WDFY3: variants seen among roughly 807,000 people sequenced by gnomAD.
The protein encoded by WDFY3 is WD repeat and FYVE domain containing 3.
In WDFY3, 66 loss-of-function variants were observed where a neutral mutation model predicts 409.6. That is an observed-to-expected ratio of 0.16 (90% CI 0.13 to 0.20). The LOEUF (loss-of-function observed/expected upper bound fraction) is 0.20, where lower values mean the gene tolerates loss of function less well. Ranked by LOEUF, WDFY3 falls within the 10% of genes least tolerant of loss-of-function variation. The probability of loss-of-function intolerance (pLI) is 1.00; values close to 1 mark genes in which losing one functional copy is unlikely to be tolerated. For synonymous variants in WDFY3, 1,521 were observed against 1,537.1 expected (o/e 0.99, Z 0.25); for missense variants, 3,031 against 4,298.1 (o/e 0.71, Z 8.24).
At chr4:84,758,627 A>C (rs1741887499) in intron 32 of WDFY3, among the ~76,000 whole-genome samples, 1 of 152,178 alleles carries the variant, frequency 6.6e-6, no homozygotes, top group Non-Finnish European at 1.5e-5. Flanking sequence ...TTATATAATA[A>C]AGGAAAAATT....
intron 32 of WDFY3, among the ~76,000 whole-genome samples, chr4:84,762,677 C>T (rs1207080224): frequency 6.6e-6 from 1 of 152,070 alleles, no homozygotes; most frequent in African/African-American, 2.4e-5. Flanking sequence ...CTCATTTCTC[C>T]ATTTTAGAGT....
intron 24 of WDFY3, among the ~76,000 whole-genome samples, chr4:84,785,665 T>C (rs1295450884): frequency 1.3e-5 from 2 of 152,330 alleles, no homozygotes; most frequent in Non-Finnish European, 1.5e-5. Flanking sequence ...AGGTCATTCG[T>C]TAAAAAGTTG....
chr4:84,838,294 C>T (rs565370862), intron 6 of WDFY3, among the ~76,000 whole-genome samples: 1 of 152,268 alleles, frequency 6.6e-6, no homozygotes, highest in East Asian at 1.9e-4. Context: ...TAAAATGATC[C>T]TTATTTCACA....
At chr4:84,903,865 C>T (rs1444715495) in intron 2 of WDFY3, among the ~76,000 whole-genome samples, 1 of 152,130 alleles carries the variant, frequency 6.6e-6, no homozygotes, top group East Asian at 1.9e-4. Context: ...CTCTATTTCT[C>T]TATCTCCCTA....
chr4:84,735,166 G>C, intron 42 of WDFY3, 46 bp from the exon 43 acceptor site: 1 of 1,519,988 alleles, frequency 6.6e-7, no homozygotes, highest in African/African-American at 1.4e-5. Flanking sequence ...TGGATTTCTG[G>C]AAAAAAATAG....
chr4:84,826,169 A>G (rs1410853214), intron 10 of WDFY3, among the ~76,000 whole-genome samples: 3 of 151,394 alleles, frequency 2.0e-5, no homozygotes, highest in Admixed American at 6.7e-5. Flanking sequence ...GGAAAGTATT[A>G]AAGAAAAAAA....
At chr4:84,949,168 T>C (rs558680438) in intron 1 of WDFY3, among the ~76,000 whole-genome samples, 1 of 152,280 alleles carries the variant, frequency 6.6e-6, no homozygotes, top group South Asian at 2.1e-4. Flanking sequence ...AACTTGGCCA[T>C]GTGCTCCCAT....
chr4:84,676,893 G>A (rs1726390857), intron 67 of WDFY3, among the ~76,000 whole-genome samples: 1 of 152,140 alleles, frequency 6.6e-6, no homozygotes, highest in African/African-American at 2.4e-5. Context: ...GGTGCAAAGA[G>A]GATACTTACA....
intron 56 of WDFY3, among the ~76,000 whole-genome samples, chr4:84,701,534 GA>G (rs796141173): frequency 7.2e-5 from 11 of 152,184 alleles, no homozygotes; most frequent in African/African-American, 1.4e-4. Context: ...TACAAGGAAT[GA>G]AAAAAATATA....
intron 9 of WDFY3, among the ~76,000 whole-genome samples, chr4:84,827,226 A>C (rs977779806): frequency 6.6e-6 from 1 of 152,266 alleles, no homozygotes; most frequent in South Asian, 2.1e-4. Context: ...CCCTTAAAAG[A>C]AGTAATTATT....
At chr4:84,730,012 AT>A (rs1377383483) in intron 44 of WDFY3, among the ~76,000 whole-genome samples, 1 of 152,168 alleles carries the variant, frequency 6.6e-6, no homozygotes, top group Non-Finnish European at 1.5e-5. Flanking sequence ...GAAAGAACTG[AT>A]TGATCTCTAA....
At chr4:84,699,124 A>G (rs940996774) in intron 56 of WDFY3, among the ~76,000 whole-genome samples, 6 of 152,070 alleles carry the variant, frequency 3.9e-5, no homozygotes, top group Non-Finnish European at 8.8e-5. Context: ...TTTAGTTCAG[A>G]CACAATGTTA....
rs182594476 is a variant in WDFY3 at position 84,870,552 on chromosome 4, T to A, written c.-31-9930A>T. On this transcript the variant is annotated intron_variant, in intron 3 of 67. Coordinates refer to ENST00000295888, the MANE Select transcript of WDFY3 (RefSeq NM_014991.6). The stretch of plus-strand genomic sequence containing the variant: ...TTTTCAAGATCTGAGAAAGATCCCC[T>A]CCCTGGCTCAAGCAGAGAAGGGGAA... Among the ~76,000 whole-genome samples the A allele has an allele frequency of 1.9e-3, 289 of 152,200 alleles. 1 individual carries two copies. The highest frequency in any genetic ancestry group is 0.017 in the Middle Eastern group (5 of 294).
At chr4:84,757,401 A>G (rs923688490) in intron 32 of WDFY3, among the ~76,000 whole-genome samples, 3 of 152,188 alleles carry the variant, frequency 2.0e-5, no homozygotes, top group African/African-American at 7.2e-5. Context: ...AGTTGAGACA[A>G]TAAGATACAA....
intron 3 of WDFY3, among the ~76,000 whole-genome samples, chr4:84,894,708 C>T (rs1002908624): frequency 6.6e-6 from 1 of 151,990 alleles, no homozygotes; most frequent in Non-Finnish European, 1.5e-5. Flanking sequence ...ATTGCTTCAA[C>T]CCAGGAGGCA....
In WDFY3 at chr4:84,953,669, A is replaced by T. The variant is rs560389666; in HGVS notation, c.-226+12540T>A. Among the ~76,000 whole-genome samples the T allele has an allele frequency of 1.9e-3, 288 of 151,954 alleles. 1 individual carries two copies. The highest frequency in any genetic ancestry group is 6.2e-3 in the African/African-American group (259 of 41,486). ...AGAGTAAGATTCTCATATTATAAGT[A>T]TTTTTTTTCCTAAGTATCTTACATT... is the stretch of plus-strand genomic sequence containing the variant. On this transcript the variant is annotated intron_variant, in intron 1 of 67. Transcript: ENST00000295888.
chr4:84,819,537 G>A (rs939444526), intron 12 of WDFY3, among the ~76,000 whole-genome samples: 1 of 151,986 alleles, frequency 6.6e-6, no homozygotes, highest in Non-Finnish European at 1.5e-5. Context: ...TTTTTAAAAA[G>A]CAAGAGTGAT....
intron 3 of WDFY3, among the ~76,000 whole-genome samples, chr4:84,883,569 A>G (rs1763819660): frequency 6.6e-6 from 1 of 152,186 alleles, no homozygotes; most frequent in African/African-American, 2.4e-5. Context: ...ATTCCATAAT[A>G]AGACCTAATT....
rs566772285 is a variant in WDFY3 at position 84,820,338 on chromosome 4, C to T, written c.1592-152G>A. The T allele has an allele frequency of 1.8e-5, 9 of 510,590 alleles. No homozygotes were observed. The South Asian group carries it at 4.7e-4, about 27-fold the overall frequency. The allele number at this position is 510,590 out of a possible 1,614,324, so 31.6% of individuals were successfully genotyped here. A position where few individuals can be genotyped will look rare whatever the true frequency, so the allele number is the denominator to read the frequency against. On this transcript the variant is annotated intron_variant, in intron 11 of 67. Transcript: ENST00000295888. Reference sequence around the variant, plus strand: ...ATAATCTTTAAAACGATGCATGCATCCAACATTTGGCAAAAGTAGGCTCAA... The same window carrying T: ...ATAATCTTTAAAACGATGCATGCATTCAACATTTGGCAAAAGTAGGCTCAA...
Sources: allele counts gnomAD v4.1 joint callset (sites outside exome capture counted in the v4.1 genomes callset), GRCh38; gene constraint gnomAD v4.1.1; transcripts MANE v1.5; gene names NCBI Gene and HGNC (gene_info 2026-07-23, HGNC 2026-07-21).